LRRC28: variants seen among roughly 807,000 people sequenced by gnomAD.
The protein encoded by LRRC28 is leucine-rich repeat-containing protein 28.
LRRC28 carries 39 observed loss-of-function variants against 45.7 expected under a neutral mutation model. That is an observed-to-expected ratio of 0.85 (90% CI 0.66 to 1.12). The LOEUF is 1.12. Among genes scored for constraint, LRRC28 ranks in the 50% most tolerant of loss-of-function variants. The probability of loss-of-function intolerance (pLI) is 0.00; values close to 1 mark genes in which losing one functional copy is unlikely to be tolerated. For synonymous variants in LRRC28, 206 were observed against 178.8 expected (o/e 1.15, Z -1.22); for missense variants, 435 against 438.5 (o/e 0.99, Z 0.07).
intron 2 of LRRC28, among the ~76,000 whole-genome samples, chr15:99,269,281 A>C (rs2081410604): frequency 6.6e-6 from 1 of 152,250 alleles, no homozygotes; most frequent in Non-Finnish European, 1.5e-5. Flanking sequence ...ATAATCTAAA[A>C]CATTTATCAT....
At chr15:99,279,970 C>T (rs1267750508) in intron 3 of LRRC28, among the ~76,000 whole-genome samples, 1 of 152,128 alleles carries the variant, frequency 6.6e-6, no homozygotes. Flanking sequence ...ATCTTACCAG[C>T]ATTTGGTGTT....
intron 6 of LRRC28, among the ~76,000 whole-genome samples, chr15:99,352,145 G>T (rs996409124): frequency 2.6e-5 from 4 of 152,170 alleles, no homozygotes; most frequent in African/African-American, 9.7e-5. Context: ...CCTAGAAGAA[G>T]GTTTAGGAAC....
In LRRC28 at chr15:99,308,575, G is replaced by A. The variant is rs190856674; in HGVS notation, c.385+20624G>A. ...TAGTCCCAACTGCTTCGGAGGCTGA[G>A]GTGGGGGGATTGCTTGACTCTAGAA... On this transcript the variant is annotated intron_variant, in intron 5 of 9. Transcript: ENST00000301981. Among the ~76,000 whole-genome samples, 42 of 152,306 alleles carry A rather than the reference G, an allele frequency of 2.8e-4. No individual in the cohort carries two copies. The East Asian group carries it at 3.7e-3, about 13-fold the overall frequency.
At chr15:99,258,419 C>A in intron 2 of LRRC28, 2 of 947,442 alleles carry the variant, frequency 2.1e-6, no homozygotes, top group Non-Finnish European at 3.5e-6. Context: ...AATTAAAAAT[C>A]TCATCAAAAA....
At position 99,363,206 on chromosome 15, in the gene LRRC28, C is replaced by T. The variant is rs1957253413; in HGVS notation, c.972C>T (p.Thr324=). 2 of 1,613,906 alleles carry T rather than the reference C, an allele frequency of 1.2e-6. No individual in the cohort carries two copies. Among genetic ancestry groups the T allele is most frequent in the Non-Finnish European group, 1.7e-6 (2 of 1,179,936 alleles). Residue 324 remains threonine, a synonymous_variant, in exon 9 of 10, where the codon ACC becomes ACT. Coordinates refer to ENST00000301981, the MANE Select transcript of LRRC28 (RefSeq NM_144598.5). ...HCHRCSEPMF[T]IVYPKLFPLR... is the part of the protein sequence containing the mutation. ...ATCGGTGTAGTGAGCCTATGTTTAC[C>T]ATCGTCTACCCCAAGCTCTTTCCCT...
intron 9 of LRRC28, among the ~76,000 whole-genome samples, chr15:99,373,235 C>A (rs1376731716): frequency 1.3e-5 from 2 of 152,138 alleles, no homozygotes; most frequent in African/African-American, 4.8e-5. Context: ...TGTTAAGTTT[C>A]ATCAGCGAAT....
At chr15:99,308,324 TA>T (rs956594672) in intron 5 of LRRC28, among the ~76,000 whole-genome samples, 8 of 151,400 alleles carry the variant, frequency 5.3e-5, no homozygotes, top group Non-Finnish European at 1.2e-4. Context: ...ACTTAATCTT[TA>T]AAAAAAAAGT....
chr15:99,301,124 T>C (rs1212186946), intron 5 of LRRC28, among the ~76,000 whole-genome samples: 1 of 152,192 alleles, frequency 6.6e-6, no homozygotes, highest in Non-Finnish European at 1.5e-5. Flanking sequence ...TCTCTTTAAG[T>C]GAGAAGATCC....
intron 9 of LRRC28, among the ~76,000 whole-genome samples, chr15:99,373,965 T>G (rs1957554539): frequency 6.6e-6 from 1 of 152,216 alleles, no homozygotes; most frequent in South Asian, 2.1e-4. Context: ...TGTCTATCTC[T>G]TAGTCAATAG....
intron 5 of LRRC28, among the ~76,000 whole-genome samples, chr15:99,304,307 T>A (rs28473683): frequency 6.6e-6 from 1 of 152,212 alleles, no homozygotes; most frequent in Non-Finnish European, 1.5e-5. Flanking sequence ...TTATCAGATA[T>A]ATGATTTGCA....
At chr15:99,293,915 T>C (rs2082200311) in intron 5 of LRRC28, among the ~76,000 whole-genome samples, 1 of 152,254 alleles carries the variant, frequency 6.6e-6, no homozygotes. Flanking sequence ...AAAAATGTTA[T>C]TTCATTTTCA....
chr15:99,361,655 T>G (rs1957207677), intron 8 of LRRC28, 144 bp downstream of exon 8: 1 of 760,920 alleles, frequency 1.3e-6, no homozygotes, highest in African/African-American at 1.7e-5. Context: ...TTATCCATCT[T>G]TAAGTATACA....
chr15:99,318,522 A>G (rs902838415), intron 5 of LRRC28, among the ~76,000 whole-genome samples: 7 of 152,014 alleles, frequency 4.6e-5, no homozygotes, highest in Non-Finnish European at 8.8e-5. Flanking sequence ...TCTGTGCCAC[A>G]TTTCATTTCT....
chr15:99,355,002 C>T (rs76190286), intron 7 of LRRC28, among the ~76,000 whole-genome samples: 351 of 152,274 alleles, frequency 2.3e-3, no homozygotes, highest in Middle Eastern at 3.4e-3. Flanking sequence ...ACGTATTTAT[C>T]TCAGATTCAC....
At chr15:99,277,983 A>C (rs1455290732) in intron 3 of LRRC28, among the ~76,000 whole-genome samples, 17 of 152,140 alleles carry the variant, frequency 1.1e-4, no homozygotes. Flanking sequence ...TGTATTTTGT[A>C]TATATGAACA....
intron 1 of LRRC28, among the ~76,000 whole-genome samples, chr15:99,252,777 T>A (rs1357886603): frequency 1.3e-5 from 2 of 152,204 alleles, no homozygotes; most frequent in African/African-American, 2.4e-5. Flanking sequence ...AAATTTTAAG[T>A]CCCTGGATAC....
At chr15:99,255,169 C>T (rs371003389) in intron 1 of LRRC28, among the ~76,000 whole-genome samples, 1 of 151,650 alleles carries the variant, frequency 6.6e-6, no homozygotes, top group African/African-American at 2.4e-5. Flanking sequence ...CTAGCCTGGG[C>T]AACACAGTGA....
chr15:99,256,207 C>A, intron 2 of LRRC28, 82 bp downstream of exon 2: 1 of 1,085,326 alleles, frequency 9.2e-7, no homozygotes, highest in Non-Finnish European at 1.3e-6. Flanking sequence ...CTAAGGTATT[C>A]AGACCAAGAC....
chr15:99,278,271 C>T (rs61647919), intron 3 of LRRC28, among the ~76,000 whole-genome samples: 3 of 152,126 alleles, frequency 2.0e-5, no homozygotes, highest in African/African-American at 7.2e-5. Flanking sequence ...TTTTTAAGAC[C>T]GAATTTCACT....
Sources: allele counts gnomAD v4.1 joint callset (sites outside exome capture counted in the v4.1 genomes callset), GRCh38; gene constraint gnomAD v4.1.1; transcripts MANE v1.5; gene names NCBI Gene and HGNC (gene_info 2026-07-23, HGNC 2026-07-21).